Variants in TAFA4 observed in about 807,000 individuals in gnomAD.
TAFA4 encodes chemokine-like protein TAFA-4.
TAFA4 carries 20 observed loss-of-function variants against 21.1 expected under a neutral mutation model. That is an observed-to-expected ratio of 0.95 (90% CI 0.67 to 1.38). The LOEUF (loss-of-function observed/expected upper bound fraction) is 1.38, where lower values mean the gene tolerates loss of function less well. Ranked by LOEUF, TAFA4 falls within the 40% of genes most tolerant of loss-of-function variation. TAFA4 has a pLI of 0.00. For synonymous variants in TAFA4, 71 were observed against 67.4 expected (o/e 1.05, Z -0.26); for missense variants, 211 against 180.9 (o/e 1.17, Z -0.95).
At chr3:68,776,316 T>G (rs1229985535) in intron 3 of TAFA4, among the ~76,000 whole-genome samples, 1 of 152,022 alleles carries the variant, frequency 6.6e-6, no homozygotes, top group Non-Finnish European at 1.5e-5. Context: ...AGTAAATGGA[T>G]GAAAGAAAGA....
At position 68,873,374 on chromosome 3, in the gene TAFA4, A is replaced by ACACACACC. The variant is rs1216878409; in HGVS notation, c.130+7355_130+7356insGGTGTGTG. Among the ~76,000 whole-genome samples, 1,187 of 140,356 alleles carry ACACACACC rather than the reference A, an allele frequency of 8.5e-3. 12 individuals are homozygous for ACACACACC. The highest frequency in any genetic ancestry group is 0.028 in the African/African-American group (1,110 of 39,326). The allele number at this position is 140,356 out of a possible 152,430, so 92.1% of individuals were successfully genotyped here. ...CACACACACACACACACACACACAC[A>ACACACACC]CACCCTGGGCCAGAAAAATGCTGAC... On this transcript the variant is annotated intron_variant, in intron 3 of 5. Coordinates refer to ENST00000295569, the MANE Select transcript of TAFA4 (RefSeq NM_182522.5).
chr3:68,758,515 CCTT>C (rs1702701892), intron 3 of TAFA4, among the ~76,000 whole-genome samples: 1 of 152,222 alleles, frequency 6.6e-6, no homozygotes, highest in African/African-American at 2.4e-5. Context: ...CTTTGCTCCT[CCTT>C]CGCCTTCTGC....
intron 1 of TAFA4, among the ~76,000 whole-genome samples, chr3:68,906,715 C>A (rs546922021): frequency 1.3e-5 from 2 of 152,046 alleles, no homozygotes; most frequent in South Asian, 4.2e-4. Context: ...GTAGACAGCA[C>A]CCTTTATCTT....
At chr3:68,746,125 A>G (rs1702453213) in intron 4 of TAFA4, among the ~76,000 whole-genome samples, 1 of 152,016 alleles carries the variant, frequency 6.6e-6, no homozygotes, top group African/African-American at 2.4e-5. Flanking sequence ...GGACTCTTGG[A>G]GTTACACCAG....
chr3:68,836,531 A>G (rs1235503940), intron 3 of TAFA4, among the ~76,000 whole-genome samples: 1 of 152,212 alleles, frequency 6.6e-6, no homozygotes. Context: ...CTTTTTGTAG[A>G]AAAATGCTAT....
chr3:68,822,772 G>A (rs1704142138), intron 3 of TAFA4, among the ~76,000 whole-genome samples: 1 of 152,096 alleles, frequency 6.6e-6, no homozygotes. Flanking sequence ...GCGCCTGGCT[G>A]CTAAAATTCT....
intron 3 of TAFA4, among the ~76,000 whole-genome samples, chr3:68,867,763 A>G (rs1447061828): frequency 1.3e-5 from 2 of 152,056 alleles, no homozygotes; most frequent in African/African-American, 4.8e-5. Context: ...CTTATCGTTT[A>G]TTTAAAATAA....
intron 3 of TAFA4, among the ~76,000 whole-genome samples, chr3:68,756,121 T>G (rs1702655683): frequency 6.6e-6 from 1 of 152,186 alleles, no homozygotes; most frequent in Admixed American, 6.5e-5. Context: ...GTGCAGAAGC[T>G]GTGTGTGAGA....
At chr3:68,742,629 G>A (rs566340435) in intron 4 of TAFA4, among the ~76,000 whole-genome samples, 6 of 152,252 alleles carry the variant, frequency 3.9e-5, no homozygotes, top group African/African-American at 7.2e-5. Context: ...AGTGTATACC[G>A]CTCATTGGTG....
At chr3:68,806,441 A>G (rs536932343) in intron 3 of TAFA4, among the ~76,000 whole-genome samples, 2 of 152,286 alleles carry the variant, frequency 1.3e-5, no homozygotes, top group Admixed American at 1.3e-4. Context: ...TTACATATTT[A>G]TGTCATATAT....
At chr3:68,844,126 G>C (rs188402098) in intron 3 of TAFA4, among the ~76,000 whole-genome samples, 20 of 152,224 alleles carry the variant, frequency 1.3e-4, no homozygotes, top group South Asian at 8.3e-4. Flanking sequence ...GGTAGAATTT[G>C]GCAGTGAATC....
intron 4 of TAFA4, among the ~76,000 whole-genome samples, chr3:68,748,739 G>A (rs1332750923): frequency 1.0e-4 from 14 of 140,162 alleles, no homozygotes; most frequent in Non-Finnish European, 1.1e-4. Context: ...GCGAGACTCC[G>A]TCTCAAAAAA....
rs1277728210 is a variant in TAFA4, at chr3:68,742,959, G to GT, written c.287-3761dup. ...AGGAGGCAGCCAGTGCATTCAAACA[G>GT]TTCCCCAGACAAACACTATGTGGCA... On this transcript the variant is annotated intron_variant, in intron 4 of 5. Coordinates refer to ENST00000295569, the MANE Select transcript of TAFA4 (RefSeq NM_182522.5). Among the ~76,000 whole-genome samples, 8 of 152,134 alleles carry GT rather than the reference G, an allele frequency of 5.3e-5. No homozygotes were observed. The East Asian group carries it at 1.4e-3, about 26-fold the overall frequency.
chr3:68,795,269 C>T (rs1056940297), intron 3 of TAFA4, among the ~76,000 whole-genome samples: 3 of 151,054 alleles, frequency 2.0e-5, no homozygotes, highest in African/African-American at 7.3e-5. Flanking sequence ...ACAGCTTTGA[C>T]AATTGTTAGT....
In TAFA4 at chr3:68,732,849, T is replaced by A. The variant is rs957986303; in HGVS notation, c.*293A>T. 10 of 434,738 alleles carry A rather than the reference T, an allele frequency of 2.3e-5. No homozygotes were observed. The East Asian group carries it at 3.6e-4, about 15-fold the overall frequency. 26.9% of individuals were successfully genotyped at this position (434,738 alleles called of 1,614,324 possible). On this transcript the variant is annotated 3_prime_UTR_variant, in exon 6 of 6. Coordinates refer to ENST00000295569, the MANE Select transcript of TAFA4 (RefSeq NM_182522.5). ...AGAATGAACATGCCCTTAGTGGTGA[T>A]CCATTTTGAAGACTCTGATTTGCTC... is the stretch of plus-strand genomic sequence containing the variant.
intron 3 of TAFA4, among the ~76,000 whole-genome samples, chr3:68,873,882 C>G (rs138872945): frequency 6.6e-6 from 1 of 152,202 alleles, no homozygotes; most frequent in Non-Finnish European, 1.5e-5. Context: ...ATCTCCCACA[C>G]CCTTGGATGG....
At chr3:68,837,692 A>G (rs1258913622) in intron 3 of TAFA4, among the ~76,000 whole-genome samples, 1 of 152,232 alleles carries the variant, frequency 6.6e-6, no homozygotes, top group Non-Finnish European at 1.5e-5. Flanking sequence ...TTATTTTTAA[A>G]AAGTACACTT....
At chr3:68,850,166 T>G (rs1178403417) in intron 3 of TAFA4, among the ~76,000 whole-genome samples, 1 of 152,188 alleles carries the variant, frequency 6.6e-6, no homozygotes, top group East Asian at 1.9e-4. Flanking sequence ...TGCAACTCAT[T>G]TATACTAAAC....
chr3:68,901,986 T>C (rs1162696887), intron 1 of TAFA4, among the ~76,000 whole-genome samples: 1 of 152,184 alleles, frequency 6.6e-6, no homozygotes, highest in Non-Finnish European at 1.5e-5. Flanking sequence ...GCTCTGTAAA[T>C]TGCACCTGTA....
Sources: allele counts gnomAD v4.1 joint callset (sites outside exome capture counted in the v4.1 genomes callset), GRCh38; gene constraint gnomAD v4.1.1; transcripts MANE v1.5; gene names NCBI Gene and HGNC (gene_info 2026-07-23, HGNC 2026-07-21).